The following GATAD2A variants were observed in gnomAD, a reference collection of about 807,000 sequenced individuals.
The protein encoded by GATAD2A is transcriptional repressor p66-alpha.
GATAD2A carries 12 observed loss-of-function variants against 68.5 expected under a neutral mutation model. The ratio of observed to expected loss-of-function variants is 0.18; its 90% CI spans 0.11 to 0.28. The LOEUF is 0.28. Among genes scored for constraint, GATAD2A ranks in the 10% least tolerant of loss-of-function variants. The pLI is 1.00. For synonymous variants in GATAD2A, 410 were observed against 375.3 expected (o/e 1.09, Z -1.07); for missense variants, 755 against 868.5 (o/e 0.87, Z 1.64).
At chr19:19,399,713 C>G (rs1197968933) in intron 1 of GATAD2A, among the ~76,000 whole-genome samples, 2 of 152,082 alleles carry the variant, frequency 1.3e-5, no homozygotes, top group African/African-American at 2.4e-5. Context: ...GGGCACTCCA[C>G]CTGTGTTTTT....
At chr19:19,489,525 G>T (rs1236996009) in intron 2 of GATAD2A, among the ~76,000 whole-genome samples, 1 of 152,206 alleles carries the variant, frequency 6.6e-6, no homozygotes, top group Non-Finnish European at 1.5e-5. Flanking sequence ...TCATTGATGG[G>T]TGGTGACATC....
chr19:19,458,176 T>C (rs1237346839), intron 1 of GATAD2A, among the ~76,000 whole-genome samples: 1 of 152,214 alleles, frequency 6.6e-6, no homozygotes, highest in Non-Finnish European at 1.5e-5. Context: ...TAGACATCTG[T>C]TCTCCTTTTG....
intron 5 of GATAD2A, 47 bp downstream of exon 5, chr19:19,494,430 G>A (rs1381596253): frequency 1.6e-6 from 2 of 1,212,978 alleles, no homozygotes; most frequent in East Asian, 2.3e-5. Flanking sequence ...TGGCACTGCT[G>A]CTGTCAAGCA....
intron 1 of GATAD2A, among the ~76,000 whole-genome samples, chr19:19,426,272 C>T (rs1295029779): frequency 6.6e-6 from 1 of 152,120 alleles, no homozygotes; most frequent in African/African-American, 2.4e-5. Flanking sequence ...TTTGGGATGT[C>T]TCTGGCTTCT....
At chr19:19,477,395 C>G (rs1201896969) in intron 2 of GATAD2A, among the ~76,000 whole-genome samples, 1 of 152,154 alleles carries the variant, frequency 6.6e-6, no homozygotes, top group African/African-American at 2.4e-5. Context: ...TGATGCCATG[C>G]AGAATTCCTC....
intron 1 of GATAD2A, among the ~76,000 whole-genome samples, chr19:19,406,996 A>G (rs368915798): frequency 1.3e-5 from 2 of 152,226 alleles, no homozygotes; most frequent in African/African-American, 4.8e-5. Context: ...CTTTAGATCA[A>G]AGTCCGAGTG....
At chr19:19,466,943 G>T (rs1368499180) in intron 2 of GATAD2A, among the ~76,000 whole-genome samples, 1 of 152,210 alleles carries the variant, frequency 6.6e-6, no homozygotes, top group Non-Finnish European at 1.5e-5. Context: ...AGGAGTCCAT[G>T]TTCATGGGAA....
At chr19:19,498,764 C>T (rs754428446) in intron 8 of GATAD2A, 42 bp downstream of exon 8, 17 of 1,541,632 alleles carry the variant, frequency 1.1e-5, no homozygotes, top group Non-Finnish European at 1.4e-5. Context: ...CGCCTCTGGC[C>T]TCCAAGGGTG....
At chr19:19,429,052 G>C (rs1238774311) in intron 1 of GATAD2A, among the ~76,000 whole-genome samples, 2 of 147,416 alleles carry the variant, frequency 1.4e-5, no homozygotes, top group Admixed American at 6.8e-5. Context: ...GCCGGTGGTA[G>C]AAACCTCTTG....
intron 2 of GATAD2A, 35 bp downstream of exon 2, chr19:19,465,649 C>A: frequency 6.4e-7 from 1 of 1,564,382 alleles, no homozygotes; most frequent in Non-Finnish European, 8.6e-7. Context: ...GGGCTGGAAC[C>A]TGGAGACAAG....
At chr19:19,421,231 C>G (rs189972194) in intron 1 of GATAD2A, among the ~76,000 whole-genome samples, 1 of 152,156 alleles carries the variant, frequency 6.6e-6, no homozygotes, top group Non-Finnish European at 1.5e-5. Context: ...CTTGAGGTGG[C>G]TTGAGATAGA....
rs144202354 is a variant in GATAD2A at position 19,431,900 on chromosome 19, G to A, written c.-7+25881G>A. ...GCTGTGGAAGAAGAGGAGCAGGGTC[G>A]GGATGGTGGGCCTCTGTGAGGAGAC... On this transcript the variant is annotated intron_variant, in intron 1 of 11. Coordinates refer to ENST00000683918, the MANE Select transcript of GATAD2A (RefSeq NM_001384528.1). 8.0e-4 allele frequency among the ~76,000 whole-genome samples: 121 copies of A among 152,090 alleles called. 1 individual carries two copies. Among genetic ancestry groups the A allele is most frequent in the African/African-American group, 2.6e-3 (108 of 41,476 alleles).
intron 11 of GATAD2A, among the ~76,000 whole-genome samples, chr19:19,503,366 C>T (rs979889540): frequency 1.3e-5 from 2 of 152,034 alleles, no homozygotes; most frequent in South Asian, 4.2e-4. Context: ...CTGAGCCTGC[C>T]GCTGTCCTAA....
Position 19,460,348 on chromosome 19 carries a change from C to T in GATAD2A, c.-6-4992C>T, listed in dbSNP as rs1055098354. ...CGCTCTGGAGGTGGGCACCTGGGCG[C>T]AGGCTTGCTGCAGCTGTGTGCCTAC... On this transcript the variant is annotated intron_variant, in intron 1 of 11. Coordinates refer to ENST00000683918, the MANE Select transcript of GATAD2A (RefSeq NM_001384528.1). Among the ~76,000 whole-genome samples, 8 of 152,220 alleles carry T rather than the reference C, an allele frequency of 5.3e-5. No individual in the cohort carries two copies. In the East Asian group the frequency reaches 9.6e-4, roughly 18 times the overall value.
At chr19:19,429,331 T>C (rs1227824178) in intron 1 of GATAD2A, 1 of 622,856 alleles carries the variant, frequency 1.6e-6, no homozygotes, top group Non-Finnish European at 2.0e-6. Context: ...CTCCTGGCCA[T>C]GGGAACGGTG....
At position 19,480,234 on chromosome 19, in the gene GATAD2A, C is replaced by T. The variant is rs1355221363; in HGVS notation, c.270-12072C>T. On this transcript the variant is annotated intron_variant, in intron 2 of 11. Transcript: ENST00000683918. ...CTTCCCCTGAATGACATTTTACTCA[C>T]GTATGAGTTTGTAATACCATTGAAT... 2.6e-5 allele frequency among the ~76,000 whole-genome samples: 4 copies of T among 152,274 alleles called. No individual in the cohort carries two copies. In the East Asian group the frequency reaches 5.8e-4, roughly 22 times the overall value.
At position 19,465,374 on chromosome 19, in the gene GATAD2A, G is replaced by A. The variant is rs963672487; in HGVS notation, c.29G>A (p.Ser10Asn). MTEEACRTR[S>N]QKRALERDPT... ...ACCGAAGAAGCATGCCGAACACGGA[G>A]TCAGAAACGAGCGCTTGAACGGGAC... Residue 10 changes from serine (S) to asparagine (N), a missense_variant, in exon 2 of 12, where the codon AGT (serine) becomes AAT (asparagine). Transcript: ENST00000683918. 2 of 1,613,914 alleles carry A rather than the reference G, an allele frequency of 1.2e-6. No individual in the cohort carries two copies. Among genetic ancestry groups the A allele is most frequent in the African/African-American group, 2.7e-5 (2 of 74,942 alleles).
In GATAD2A at chr19:19,507,272, A is replaced by G. The variant is rs1290478161; in HGVS notation, c.*1798A>G. The G allele has an allele frequency of 6.8e-6, 1 of 146,178 alleles. No homozygotes were observed. The highest frequency in any genetic ancestry group is 2.5e-5 in the African/African-American group (1 of 39,376). 9.1% of individuals were successfully genotyped at this position (146,178 alleles called of 1,614,324 possible). On this transcript the variant is annotated 3_prime_UTR_variant, in exon 12 of 12. Coordinates refer to ENST00000683918, the MANE Select transcript of GATAD2A (RefSeq NM_001384528.1). ...ACACCAAAAAAAAAAAAAAAAATCA[A>G]GAGTATGCAAGCATTTCTATTCCTC...
chr19:19,452,695 C>G (rs745724375), intron 1 of GATAD2A, among the ~76,000 whole-genome samples: 37 of 152,030 alleles, frequency 2.4e-4, no homozygotes, highest in Admixed American at 4.6e-4. Flanking sequence ...GGCTGAGGAG[C>G]TAAAGCCACA....
Sources: gnomAD v4.1 joint callset for allele counts (sites outside exome capture counted in the v4.1 genomes callset) on GRCh38, gnomAD v4.1.1 for gene constraint, MANE v1.5 for transcripts, NCBI Gene and HGNC (gene_info 2026-07-23, HGNC 2026-07-21) for gene names.